PCSK2: variants seen among roughly 807,000 people sequenced by gnomAD.
PCSK2 encodes the protein proprotein convertase subtilisin/kexin type 2, also known as neuroendocrine convertase 2.
Under a neutral mutation model 69.7 loss-of-function variants are expected in PCSK2, and 14 were observed. That is an observed-to-expected ratio of 0.20 (90% CI 0.13 to 0.31). The LOEUF (loss-of-function observed/expected upper bound fraction) is 0.31, where lower values mean the gene tolerates loss of function less well. PCSK2 is among the 10% of genes least tolerant of loss of function. The pLI is 1.00. For missense variants in PCSK2, 544 were observed against 842.5 expected (o/e 0.65, Z 4.39); for synonymous variants, 307 against 320.7 (o/e 0.96, Z 0.46).
chr20:17,334,727 C>G (rs933070820), intron 2 of PCSK2, among the ~76,000 whole-genome samples: 6 of 152,132 alleles, frequency 3.9e-5, no homozygotes, highest in African/African-American at 4.8e-5. Context: ...ACCACAGGAC[C>G]AGTACTTCTC....
At chr20:17,473,145 G>GT (rs923644232) in intron 11 of PCSK2, among the ~76,000 whole-genome samples, 2 of 137,900 alleles carry the variant, frequency 1.5e-5, no homozygotes, top group African/African-American at 5.6e-5. Context: ...CCAGGCTGGA[G>GT]TGCAGTAGCG....
At chr20:17,470,819 TG>T (rs2033186095) in intron 11 of PCSK2, among the ~76,000 whole-genome samples, 1 of 152,168 alleles carries the variant, frequency 6.6e-6, no homozygotes, top group African/African-American at 2.4e-5. Context: ...AGACTTACGA[TG>T]TCTGTGCCTT....
intron 2 of PCSK2, among the ~76,000 whole-genome samples, chr20:17,271,877 A>G (rs1300322882): frequency 6.6e-6 from 1 of 152,166 alleles, no homozygotes; most frequent in Non-Finnish European, 1.5e-5. Context: ...ACCATTTTGC[A>G]GTCCCTACTC....
At chr20:17,226,520 TGAGAGAGAGAGAAA>T (rs1437345059), upstream of PCSK2, 1 of 132,098 alleles carries the variant, frequency 7.6e-6, no homozygotes, top group Non-Finnish European at 1.6e-5. Flanking sequence ...TGTGTGTGTT[TGAGAGAGAGAGAAA>T]GAGAGAGAGA....
At chr20:17,330,917 A>G (rs1275365186) in intron 2 of PCSK2, among the ~76,000 whole-genome samples, 1 of 152,186 alleles carries the variant, frequency 6.6e-6, no homozygotes, top group Non-Finnish European at 1.5e-5. Flanking sequence ...AAAATGAGAA[A>G]GAGCTCTTTC....
At chr20:17,270,673 G>A (rs1406381020) in intron 2 of PCSK2, among the ~76,000 whole-genome samples, 2 of 152,232 alleles carry the variant, frequency 1.3e-5, no homozygotes, top group African/African-American at 4.8e-5. Flanking sequence ...GTAAAGAATA[G>A]TTTAATGGAT....
intron 6 of PCSK2, among the ~76,000 whole-genome samples, chr20:17,421,678 T>A (rs2032129490): frequency 6.6e-6 from 1 of 152,016 alleles, no homozygotes; most frequent in Non-Finnish European, 1.5e-5. Context: ...TGCTGACTAA[T>A]CTGTCTTATC....
intron 2 of PCSK2, among the ~76,000 whole-genome samples, chr20:17,288,014 C>T (rs1373070168): frequency 3.9e-5 from 6 of 152,318 alleles, no homozygotes; most frequent in Non-Finnish European, 5.9e-5. Flanking sequence ...CTGTCTTCCT[C>T]ATGCAAGGTG....
chr20:17,340,123 T>C (rs1990468153), intron 2 of PCSK2, among the ~76,000 whole-genome samples: 1 of 152,154 alleles, frequency 6.6e-6, no homozygotes, highest in South Asian at 2.1e-4. Context: ...TACTTCTACC[T>C]CCTGAGGCTC....
At chr20:17,317,259 A>G (rs1655079216) in intron 2 of PCSK2, among the ~76,000 whole-genome samples, 2 of 152,218 alleles carry the variant, frequency 1.3e-5, no homozygotes, top group Non-Finnish European at 2.9e-5. Flanking sequence ...GGTGGGCATG[A>G]GGGAGAGAAA....
intron 5 of PCSK2, among the ~76,000 whole-genome samples, chr20:17,385,359 T>C (rs1038357041): frequency 2.0e-5 from 3 of 152,216 alleles, no homozygotes; most frequent in Admixed American, 1.3e-4. Context: ...CTTGGGGGCA[T>C]AGCACCCTCA....
chr20:17,307,188 T>C (rs1032844579), intron 2 of PCSK2, among the ~76,000 whole-genome samples: 6 of 152,292 alleles, frequency 3.9e-5, no homozygotes, highest in Admixed American at 2.0e-4. Context: ...ACTGAGAATA[T>C]GAAGTTGAAT....
intron 2 of PCSK2, among the ~76,000 whole-genome samples, chr20:17,315,186 A>G (rs577075012): frequency 4.7e-4 from 71 of 152,096 alleles, no homozygotes; most frequent in African/African-American, 1.7e-3. Flanking sequence ...GATGCCCAGC[A>G]CAAATTTATC....
chr20:17,273,205 A>G (rs987566790), intron 2 of PCSK2, among the ~76,000 whole-genome samples: 3 of 152,178 alleles, frequency 2.0e-5, no homozygotes, highest in Admixed American at 6.6e-5. Flanking sequence ...GCTAAGGATC[A>G]TATTCTCCAG....
At chr20:17,366,864 C>G (rs150228584) in intron 4 of PCSK2, among the ~76,000 whole-genome samples, 1 of 152,094 alleles carries the variant, frequency 6.6e-6, no homozygotes, top group Admixed American at 6.5e-5. Context: ...CTCAAATTAT[C>G]TTCTTGCTCC....
intron 8 of PCSK2, among the ~76,000 whole-genome samples, chr20:17,450,667 A>G (rs2032805354): frequency 6.6e-6 from 1 of 152,128 alleles, no homozygotes; most frequent in African/African-American, 2.4e-5. Context: ...CTCTGCTTCT[A>G]AGATGGTGCC....
At chr20:17,477,821 G>T (rs2033318565) in intron 11 of PCSK2, among the ~76,000 whole-genome samples, 1 of 151,572 alleles carries the variant, frequency 6.6e-6, no homozygotes, top group Non-Finnish European at 1.5e-5. Flanking sequence ...GCAGGGTTAA[G>T]TAGCAGATTG....
intron 2 of PCSK2, among the ~76,000 whole-genome samples, chr20:17,282,786 T>A (rs529573071): frequency 6.6e-6 from 1 of 152,296 alleles, no homozygotes; most frequent in African/African-American, 2.4e-5. Flanking sequence ...CAGGCTTTTC[T>A]CTTTGTAAAT....
intron 2 of PCSK2, among the ~76,000 whole-genome samples, chr20:17,342,556 G>T (rs186907204): frequency 1.3e-5 from 2 of 152,000 alleles, no homozygotes; most frequent in African/African-American, 4.8e-5. Flanking sequence ...GGACTCAAGC[G>T]CTCCACCTGC....
Sources: gnomAD v4.1 joint callset for allele counts (sites outside exome capture counted in the v4.1 genomes callset) on GRCh38, gnomAD v4.1.1 for gene constraint, MANE v1.5 for transcripts, NCBI Gene and HGNC (gene_info 2026-07-23, HGNC 2026-07-21) for gene names.